The following CACNA1B variants were observed in gnomAD, a reference collection of about 807,000 sequenced individuals.
CACNA1B encodes the protein voltage-dependent N-type calcium channel subunit alpha-1B.
In CACNA1B, 70 loss-of-function variants were observed where a neutral mutation model predicts 247.2. That is an observed-to-expected ratio of 0.28 (90% CI 0.23 to 0.35). CACNA1B has a LOEUF of 0.35. CACNA1B is among the 10% of genes least tolerant of loss of function. The pLI is 1.00. For synonymous variants in CACNA1B, 1,231 were observed against 1,294.4 expected (o/e 0.95, Z 1.05); for missense variants, 2,367 against 3,197.4 (o/e 0.74, Z 6.26).
At position 138,023,544 on chromosome 9, in the gene CACNA1B, G is replaced by T; in HGVS notation, c.2801G>T (p.Arg934Leu). 3 of 1,082,704 alleles carry T rather than the reference G, an allele frequency of 2.8e-6. No individual in the cohort carries two copies. Among genetic ancestry groups the T allele is most frequent in the Non-Finnish European group, 3.4e-6 (3 of 889,714 alleles). The allele number at this position is 1,082,704 out of a possible 1,614,324, so 67.1% of individuals were successfully genotyped here. ...GAGGCGGCCGAGCGGGAGCCCCGAC[G>T]CCACCGCGCGCACCGGCACCAGGAT... ...PEEAAEREPR[R>L]HRAHRHQDPS... is the part of the protein sequence containing the mutation. Residue 934 changes from arginine to leucine, a missense_variant, in exon 19 of 47, where the codon CGC becomes CTC. By Grantham distance (102) the Arg-to-Leu change is moderately radical. This residue lies in a region of CACNA1B where 631 missense variants were observed against 631.1 expected (regional missense o/e 1.00). Transcript: ENST00000371372.
chr9:138,000,224 G>A (rs982998948), intron 15 of CACNA1B, among the ~76,000 whole-genome samples: 6 of 151,338 alleles, frequency 4.0e-5, no homozygotes, highest in South Asian at 2.1e-4. Flanking sequence ...TCAGCCTCCC[G>A]AGTGGCTGGG....
chr9:137,981,894 C>T (rs1420537393), intron 12 of CACNA1B, among the ~76,000 whole-genome samples: 1 of 152,222 alleles, frequency 6.6e-6, no homozygotes, highest in Non-Finnish European at 1.5e-5. Flanking sequence ...CCTGCAGACC[C>T]TGATGTGCAG....
Position 137,957,949 on chromosome 9 carries a change from C to T in CACNA1B, c.1333+262C>T, listed in dbSNP as rs1260345538. Among the ~76,000 whole-genome samples, 1 of 152,192 alleles carries T rather than the reference C, an allele frequency of 6.6e-6. No homozygotes were observed. The highest frequency in any genetic ancestry group is 6.5e-5 in the Admixed American group (1 of 15,274). ...TCTTTTTCACTTTCTGGACCTGCTG[C>T]CTCTGAGGCTGTTGTGTCATCCCCT... On this transcript the variant is annotated intron_variant, in intron 10 of 46. Transcript: ENST00000371372. The surrounding 1 kb of genome is among the most constrained non-coding windows in gnomAD (Gnocchi z 4.7).
rs1431402925 is a variant in CACNA1B at position 138,043,902 on chromosome 9, TGA to T, written c.3413+4_3413+5del. 6.2e-7 allele frequency: 1 copy of T among 1,612,754 alleles called. No individual in the cohort carries two copies. The highest frequency in any genetic ancestry group is 1.3e-5 in the African/African-American group (1 of 74,918). On this transcript the variant is annotated splice_donor_region_variant and intron_variant, in intron 21 of 46. Transcript: ENST00000371372. The stretch of plus-strand genomic sequence containing the variant: ...GTTCTGTTTAAGCCCCACCAACCTG[TGA>T]GTCTCCTTGCCTGCTGGTGTGTGTG...
intron 41 of CACNA1B, among the ~76,000 whole-genome samples, chr9:138,114,970 C>G (rs1221748894): frequency 6.6e-6 from 1 of 152,176 alleles, no homozygotes. Flanking sequence ...ACAGCCGTGT[C>G]TTCGGTGACC....
At position 138,009,803 on chromosome 9, in the gene CACNA1B, CAG is replaced by C. The variant is rs549464852; in HGVS notation, c.2093-202_2093-201del. On this transcript the variant is annotated intron_variant, in intron 16 of 46. Transcript: ENST00000371372. ...GGAGGCTGAGCAAAGGAGGGATTGG[CAG>C]AGAGGCTGGAGGTGAGGATGGAACA... Among the ~76,000 whole-genome samples, 385 of 152,192 alleles carry C rather than the reference CAG, an allele frequency of 2.5e-3. 2 individuals carry two copies. The highest frequency in any genetic ancestry group is 8.7e-3 in the African/African-American group (361 of 41,522).
chr9:137,914,827 C>G lies in CACNA1B; in HGVS notation c.775+21C>G. The G allele has an allele frequency of 6.2e-7, 1 of 1,613,072 alleles. No individual in the cohort carries two copies. Among genetic ancestry groups the G allele is most frequent in the Non-Finnish European group, 8.5e-7 (1 of 1,179,378 alleles). On this transcript the variant is annotated intron_variant, in intron 5 of 46. Transcript: ENST00000371372. This position sits in a 1 kb window ranked among gnomAD's most constrained non-coding sequence, Gnocchi z 4.3. The stretch of plus-strand genomic sequence containing the variant: ...CACAGGTGAGGCCAGGCAGCACCCT[C>G]CAGCACAGGCAAGTGCCACGGATGC...
intron 10 of CACNA1B, among the ~76,000 whole-genome samples, chr9:137,965,222 C>T (rs1958060666): frequency 1.3e-5 from 2 of 152,238 alleles, no homozygotes. Flanking sequence ...TTTGATAGAG[C>T]AGCTGTGCTG....
chr9:138,052,018 C>T lies in CACNA1B; in HGVS notation c.3711-74C>T, dbSNP rs1027649657. The T allele has an allele frequency of 3.3e-5, 28 of 836,978 alleles. No individual in the cohort carries two copies. The Admixed American group carries it at 3.6e-4, about 11-fold the overall frequency. 51.8% of individuals were successfully genotyped at this position (836,978 alleles called of 1,614,324 possible). ...AATGCACAGGGGAGCAGGACTCAGA[C>T]CCTGGGGGGCCACGTGGGAGCTGGG... On this transcript the variant is annotated intron_variant, in intron 24 of 46. Transcript: ENST00000371372. This position sits in a 1 kb window ranked among gnomAD's most constrained non-coding sequence, Gnocchi z 5.1.
At position 138,024,983 on chromosome 9, in the gene CACNA1B, G is replaced by T; in HGVS notation, c.3097G>T (p.Gly1033Trp). The T allele has an allele frequency of 6.3e-7, 1 of 1,588,784 alleles. No homozygotes were observed. Among genetic ancestry groups the T allele is most frequent in the East Asian group, 2.3e-5 (1 of 43,442 alleles). ...GCCACACTGTGACCTGGAGACCAGT[G>T]GGACTGTGACTGTGGGTCCCATGCA... ...REPHCDLETS[G>W]TVTVGPMHTL... is the part of the protein sequence containing the mutation. The change falls in exon 20 of 47, where the codon GGG (glycine) becomes TGG (tryptophan). Residue 1033 changes from glycine to tryptophan, a missense_variant. Coordinates refer to ENST00000371372, the MANE Select transcript of CACNA1B (RefSeq NM_000718.4).
At position 138,020,021 on chromosome 9, in the gene CACNA1B, C is replaced by G. The variant is rs1367095008; in HGVS notation, c.2268-2990C>G. ...CTGAGGCAGGAGAATTGCTTGAACC[C>G]GGGAGGCAGAGGTTGCAGTGAGCCG... On this transcript the variant is annotated intron_variant, in intron 18 of 46. Transcript: ENST00000371372. The surrounding 1 kb of genome is among the most constrained non-coding windows in gnomAD (Gnocchi z 4.1). 6.7e-6 allele frequency among the ~76,000 whole-genome samples: 1 copy of G among 149,488 alleles called. No homozygotes were observed. Among genetic ancestry groups the G allele is most frequent in the Non-Finnish European group, 1.5e-5 (1 of 67,664 alleles).
At chr9:138,089,443 C>G (rs1159595138) in intron 36 of CACNA1B, among the ~76,000 whole-genome samples, 1 of 151,958 alleles carries the variant, frequency 6.6e-6, no homozygotes, top group Non-Finnish European at 1.5e-5. Context: ...TCAATAGACA[C>G]AGAAAAAAAT....
At chr9:137,909,761 C>T (rs539914243) in intron 3 of CACNA1B, among the ~76,000 whole-genome samples, 1 of 149,738 alleles carries the variant, frequency 6.7e-6, no homozygotes, top group South Asian at 2.1e-4. Context: ...CTATGTTTAA[C>T]TTTTTTTTTT....
At position 137,986,502 on chromosome 9, in the gene CACNA1B, T is replaced by C. The variant is rs1958363724; in HGVS notation, c.1859T>C (p.Ile620Thr). 2 of 1,613,910 alleles carry C rather than the reference T, an allele frequency of 1.2e-6. No homozygotes were observed. Residue 620 changes from isoleucine to threonine, a missense_variant, in exon 14 of 47, where the codon ATT becomes ACT. By Grantham distance (89) the Ile-to-Thr change is moderately conservative. Coordinates refer to ENST00000371372, the MANE Select transcript of CACNA1B (RefSeq NM_000718.4). The surrounding 1 kb of genome is among the most constrained non-coding windows in gnomAD (Gnocchi z 6.0). The part of the protein sequence containing the change: ...ISLLFLLFLF[I>T]VVFALLGMQL... ...CTGCTCTTCTTGCTCTTCCTGTTCATTGTGGTCTTCGCCCTGCTGGGGATG... is the reference window on the plus strand; with the variant it reads ...CTGCTCTTCTTGCTCTTCCTGTTCACTGTGGTCTTCGCCCTGCTGGGGATG...
chr9:137,906,373 A>G (rs1011235359), intron 3 of CACNA1B, among the ~76,000 whole-genome samples: 5 of 152,150 alleles, frequency 3.3e-5, no homozygotes, highest in Non-Finnish European at 7.4e-5. Context: ...TTTTCCTCCT[A>G]TGTAATTTGT....
chr9:138,022,056 C>G (rs1490467819), intron 18 of CACNA1B, among the ~76,000 whole-genome samples: 1 of 152,224 alleles, frequency 6.6e-6, no homozygotes, highest in Admixed American at 6.5e-5. Context: ...GCTATGGAGC[C>G]CCATGTGTGA....
Position 138,039,764 on chromosome 9 carries a change from T to C in CACNA1B, c.3287-4010T>C, listed in dbSNP as rs532122499. 1.2e-4 allele frequency among the ~76,000 whole-genome samples: 18 copies of C among 152,310 alleles called. 1 individual carries two copies. Among genetic ancestry groups the C allele is most frequent in the African/African-American group, 4.1e-4 (17 of 41,574 alleles). On this transcript the variant is annotated intron_variant, in intron 20 of 46. Transcript: ENST00000371372. ...TTGGCTTTATGGTCAGCTTTTTTCA[T>C]GGTCGGCTTTTGTTCTTGTTCTATA...
chr9:137,972,566 C>T (rs1049508878), intron 11 of CACNA1B, among the ~76,000 whole-genome samples: 4 of 152,120 alleles, frequency 2.6e-5, no homozygotes, highest in Non-Finnish European at 5.9e-5. Flanking sequence ...GGGCTCTAGC[C>T]GGCCGGCTGA....
intron 3 of CACNA1B, among the ~76,000 whole-genome samples, chr9:137,909,171 G>T (rs1255881916): frequency 6.6e-6 from 1 of 151,934 alleles, no homozygotes; most frequent in East Asian, 1.9e-4. Context: ...TGTATTTTTA[G>T]TAGAGACGGG....
Sources: allele counts gnomAD v4.1 joint callset (sites outside exome capture counted in the v4.1 genomes callset), GRCh38; gene constraint gnomAD v4.1.1; regional missense constraint gnomAD v4.1.1; non-coding constraint Gnocchi (gnomAD v3.1); transcripts MANE v1.5; gene names NCBI Gene and HGNC (gene_info 2026-07-23, HGNC 2026-07-21).